The following CHEK1 variants were observed in gnomAD, a reference collection of about 807,000 sequenced individuals.
CHEK1 encodes the protein serine/threonine-protein kinase Chk1.
In CHEK1, 32 loss-of-function variants were observed where a neutral mutation model predicts 60.2. The ratio of observed to expected loss-of-function variants is 0.53; its 90% confidence interval spans 0.40 to 0.71. The LOEUF (loss-of-function observed/expected upper bound fraction) is 0.71, where lower values mean the gene tolerates loss of function less well. CHEK1 is among the 30% of genes least tolerant of loss of function. The pLI, the probability that CHEK1 is intolerant of heterozygous loss-of-function variation, is 0.00. For missense variants in CHEK1, 399 were observed against 564.6 expected (o/e 0.71, Z 2.97); for synonymous variants, 179 against 187.2 (o/e 0.96, Z 0.36).
chr11:125,665,396 C>T (rs530472613), intron 13 of CHEK1, among the ~76,000 whole-genome samples: 16 of 151,730 alleles, frequency 1.1e-4, no homozygotes, highest in East Asian at 7.7e-4. Flanking sequence ...ATTTTGTTGA[C>T]GGTTTTTGCA....
chr11:125,647,188 G>T (rs932056403), intron 11 of CHEK1, among the ~76,000 whole-genome samples: 1 of 152,072 alleles, frequency 6.6e-6, no homozygotes, highest in African/African-American at 2.4e-5. Context: ...ATGATGTAGG[G>T]TGCAAATTCA....
downstream of CHEK1, among the ~76,000 whole-genome samples, chr11:125,661,883 AAG>A (rs1942024960): frequency 6.6e-6 from 1 of 152,190 alleles, no homozygotes; most frequent in Non-Finnish European, 1.5e-5. Flanking sequence ...ATGTAGTTGT[AAG>A]AGTTAATACT....
rs535437253 is a variant in CHEK1, at chr11:125,653,258, A to G, written c.1234-488A>G. Among the ~76,000 whole-genome samples, 1 of 152,216 alleles carries G rather than the reference A, an allele frequency of 6.6e-6. No individual in the cohort carries two copies. Among genetic ancestry groups the G allele is most frequent in the Non-Finnish European group, 1.5e-5 (1 of 68,006 alleles). ...GAGACAGGGTCTCGCTCTGTCGCCC[A>G]TGCTAGAGTGCAGTGGCGCAATCAT... On this transcript the variant is annotated intron_variant, in intron 11 of 12. Transcript: ENST00000438015. The surrounding 1 kb of genome is among the most constrained non-coding windows in gnomAD (Gnocchi z 4.3).
At chr11:125,667,465 A>G (rs1417678942) in intron 13 of CHEK1, among the ~76,000 whole-genome samples, 2 of 152,188 alleles carry the variant, frequency 1.3e-5, no homozygotes, top group African/African-American at 4.8e-5. Flanking sequence ...ATTGTCGTAC[A>G]TTGATTTTGT....
chr11:125,628,149 C>T lies in CHEK1; in HGVS notation c.289+319C>T, dbSNP rs539245484. 2.0e-5 allele frequency among the ~76,000 whole-genome samples: 3 copies of T among 152,266 alleles called. No individual in the cohort carries two copies. In the South Asian group the frequency reaches 6.2e-4, roughly 32 times the overall value. The stretch of plus-strand genomic sequence containing the variant: ...TCCTAAATGCAATGTATTGCCTACA[C>T]AATTTTTTCTTTGTAGACATTCTAG... On this transcript the variant is annotated intron_variant, in intron 3 of 12. Coordinates refer to ENST00000438015, the MANE Select transcript of CHEK1 (RefSeq NM_001114122.3).
At chr11:125,626,059 GT>G in intron 1 of CHEK1, 47 bp downstream of exon 1, 1 of 685,622 alleles carries the variant, frequency 1.5e-6, no homozygotes, top group Non-Finnish European at 2.7e-6. Flanking sequence ...TAAAGAAGGA[GT>G]TCGGGGTCTA....
chr11:125,645,428 C>T (rs1941465500), intron 11 of CHEK1, among the ~76,000 whole-genome samples: 2 of 151,990 alleles, frequency 1.3e-5, no homozygotes, highest in Admixed American at 1.3e-4. Flanking sequence ...ATGTTAATGT[C>T]AATGAAAGAC....
rs1357153083 is a variant in CHEK1 at position 125,625,220 on chromosome 11, GC to G, written c.-812del. On this transcript the variant is annotated 5_prime_UTR_variant, in exon 1 of 13. It removes the in-frame stop codon of an upstream open reading frame in the 5' UTR. Transcript: ENST00000438015. ...AAAATGAAAAAGTTTGTAGAACTAA[GC>G]TAAGCAGATGGTCTTCCTGCAAAAA... The G allele has an allele frequency of 4.4e-6, 1 of 228,558 alleles. No homozygotes were observed. Among genetic ancestry groups the G allele is most frequent in the African/African-American group, 2.2e-5 (1 of 45,006 alleles). The allele number at this position is 228,558 out of a possible 1,614,324, so 14.2% of individuals were successfully genotyped here.
At chr11:125,678,643 C>A (rs951630183), downstream of CHEK1, among the ~76,000 whole-genome samples, 8 of 152,072 alleles carry the variant, frequency 5.3e-5, no homozygotes, top group African/African-American at 1.9e-4. Context: ...ATCAGGAAGT[C>A]AGGATACCAT....
At chr11:125,641,070 C>G (rs577872676) in intron 8 of CHEK1, among the ~76,000 whole-genome samples, 8 of 152,104 alleles carry the variant, frequency 5.3e-5, no homozygotes, top group Non-Finnish European at 1.2e-4. Context: ...CCCTTAGTAG[C>G]TGTTTTGGTT....
downstream of CHEK1, among the ~76,000 whole-genome samples, chr11:125,679,833 TAAAGG>T (rs920970125): frequency 5.3e-5 from 8 of 152,234 alleles, no homozygotes; most frequent in African/African-American, 1.9e-4. Context: ...AATATGTTGA[TAAAGG>T]AAAGGTAAGA....
Position 125,653,259 on chromosome 11 carries a change from T to C in CHEK1, c.1234-487T>C, listed in dbSNP as rs1292622985. Among the ~76,000 whole-genome samples the C allele has an allele frequency of 6.6e-6, 1 of 152,106 alleles. No individual in the cohort carries two copies. Among genetic ancestry groups the C allele is most frequent in the African/African-American group, 2.4e-5 (1 of 41,434 alleles). On this transcript the variant is annotated intron_variant, in intron 11 of 12. Coordinates refer to ENST00000438015, the MANE Select transcript of CHEK1 (RefSeq NM_001114122.3). This position sits in a 1 kb window ranked among gnomAD's most constrained non-coding sequence, Gnocchi z 4.3. The stretch of plus-strand genomic sequence containing the variant: ...AGACAGGGTCTCGCTCTGTCGCCCA[T>C]GCTAGAGTGCAGTGGCGCAATCATA...
At chr11:125,642,211 G>C (rs1197009963) in intron 8 of CHEK1, among the ~76,000 whole-genome samples, 2 of 152,074 alleles carry the variant, frequency 1.3e-5, no homozygotes, top group Admixed American at 6.5e-5. Flanking sequence ...TCCTGGCCAT[G>C]CTATTTAAAA....
At chr11:125,648,829 A>AT (rs1941604338) in intron 11 of CHEK1, among the ~76,000 whole-genome samples, 3 of 151,830 alleles carry the variant, frequency 2.0e-5, no homozygotes. Context: ...AGAGTATTGG[A>AT]TTTTGTCAAA....
At chr11:125,671,534 A>G (rs1034026615) in intron 13 of CHEK1, 2 of 152,202 alleles carry the variant, frequency 1.3e-5, no homozygotes, top group Admixed American at 1.3e-4. Flanking sequence ...TGATGTGTAT[A>G]TATGTTGAAA....
chr11:125,650,541 C>T (rs1043840863), intron 11 of CHEK1, among the ~76,000 whole-genome samples: 5 of 150,428 alleles, frequency 3.3e-5, no homozygotes, highest in African/African-American at 1.2e-4. Context: ...ACTGCAGCCT[C>T]CACCTCCTGG....
intron 1 of CHEK1, 156 bp from the exon 2 acceptor site, chr11:125,626,593 T>G (rs911964780): frequency 2.6e-5 from 17 of 649,990 alleles, no homozygotes; most frequent in Non-Finnish European, 4.7e-5. Flanking sequence ...TTAGAATAGT[T>G]GTTCGTGGTT....
chr11:125,660,728 T>A (rs547976800), downstream of CHEK1, among the ~76,000 whole-genome samples: 1 of 151,732 alleles, frequency 6.6e-6, no homozygotes, highest in Non-Finnish European at 1.5e-5. Flanking sequence ...AATATTTATA[T>A]GATTTTCATA....
At chr11:125,674,066 G>C (rs113445309) in intron 13 of CHEK1, among the ~76,000 whole-genome samples, 11,607 of 152,042 alleles carry the variant, frequency 0.076, 525 homozygotes, top group African/African-American at 0.12. Context: ...CAGGAGAATC[G>C]CTGGGGGGCA....
Sources: gnomAD v4.1 joint callset for allele counts (sites outside exome capture counted in the v4.1 genomes callset) on GRCh38, gnomAD v4.1.1 for gene constraint, Gnocchi (gnomAD v3.1) non-coding constraint, MANE v1.5 for transcripts, NCBI Gene and HGNC (gene_info 2026-07-23, HGNC 2026-07-21) for gene names.